FMNL2: variants seen among roughly 807,000 people sequenced by gnomAD.
FMNL2 encodes the protein formin like 2.
A neutral mutation model predicts 130.2 loss-of-function variants in FMNL2; 51 were observed. The observed-to-expected ratio is 0.39, with a 90% confidence interval of 0.31 to 0.49. FMNL2 has a LOEUF of 0.49. FMNL2 is among the 20% of genes least tolerant of loss of function. The probability of loss-of-function intolerance (pLI) is 0.85; values close to 1 mark genes in which losing one functional copy is unlikely to be tolerated. For synonymous variants in FMNL2, 465 were observed against 467.1 expected (o/e 1.00, Z 0.06); for missense variants, 977 against 1,316.2 (o/e 0.74, Z 3.99).
chr2:152,593,900 TGTGAGAGAGAGAGA>T (rs1448235496), intron 9 of FMNL2, among the ~76,000 whole-genome samples: 15 of 80,848 alleles, frequency 1.9e-4, no homozygotes, highest in Non-Finnish European at 3.9e-4. Flanking sequence ...TGTGTGTGTG[TGTGAGAGAGAGAGA>T]GAGAGAGAGA....
At chr2:152,345,813 CTG>C (rs1015628346) in intron 1 of FMNL2, among the ~76,000 whole-genome samples, 1 of 152,180 alleles carries the variant, frequency 6.6e-6, no homozygotes, top group African/African-American at 2.4e-5. Flanking sequence ...ATTTAGAACT[CTG>C]TGGCCTCCTG....
At chr2:152,612,421 G>A (rs1214887604) in intron 11 of FMNL2, among the ~76,000 whole-genome samples, 2 of 152,186 alleles carry the variant, frequency 1.3e-5, no homozygotes, top group Admixed American at 6.5e-5. Context: ...TTGGGAAGCT[G>A]AAGTGGGGGG....
intron 1 of FMNL2, chr2:152,390,554 C>T (rs1011147856): frequency 3.0e-5 from 45 of 1,490,408 alleles, no homozygotes; most frequent in African/African-American, 1.4e-4. Flanking sequence ...CAATCTCAGA[C>T]GAACAGAAGA....
At position 152,428,766 on chromosome 2, in the gene FMNL2, A is replaced by T. The variant is rs535498337; in HGVS notation, c.117+93046A>T. Among the ~76,000 whole-genome samples the T allele has an allele frequency of 3.9e-5, 6 of 152,352 alleles. No homozygotes were observed. The East Asian group carries it at 1.2e-3, about 29-fold the overall frequency. On this transcript the variant is annotated intron_variant, in intron 1 of 25. Transcript: ENST00000288670. ...TAATTCTGTGATGTGGCTATTGGTC[A>T]TAAGTCATTAGTGACTTTGGATAGA...
chr2:152,436,191 G>A (rs1037723924), intron 1 of FMNL2, among the ~76,000 whole-genome samples: 3 of 151,414 alleles, frequency 2.0e-5, no homozygotes, highest in Non-Finnish European at 4.4e-5. Context: ...TTTGAGACAG[G>A]GTCTGGCTTT....
intron 9 of FMNL2, among the ~76,000 whole-genome samples, chr2:152,599,394 T>C (rs1346900225): frequency 6.9e-6 from 1 of 144,018 alleles, no homozygotes; most frequent in East Asian, 2.3e-4. Flanking sequence ...CTAGAATTTA[T>C]TGAAGGTCAT....
chr2:152,526,062 A>G (rs1472978173), intron 2 of FMNL2, among the ~76,000 whole-genome samples: 1 of 152,148 alleles, frequency 6.6e-6, no homozygotes, highest in East Asian at 1.9e-4. Flanking sequence ...AAGAGCAAAT[A>G]TATCTCCATG....
rs866871489 is a variant in FMNL2, at chr2:152,600,044, A to G, written c.877-7295A>G. Among the ~76,000 whole-genome samples, 22 of 152,294 alleles carry G rather than the reference A, an allele frequency of 1.4e-4. No homozygotes were observed. In the Middle Eastern group the frequency reaches 0.01, roughly 71 times the overall value. On this transcript the variant is annotated intron_variant, in intron 9 of 25. Transcript: ENST00000288670. ...TTTGTCAGGCCATTATGGCCCTCAT[A>G]TAGCCCTCAGACTGCTGGTGCACTC...
At chr2:152,552,794 A>G (rs1314017340) in intron 4 of FMNL2, among the ~76,000 whole-genome samples, 1 of 152,220 alleles carries the variant, frequency 6.6e-6, no homozygotes, top group East Asian at 1.9e-4. Flanking sequence ...GGCAGATGCC[A>G]TGGTGCTTAA....
chr2:152,643,876 A>G lies in FMNL2; in HGVS notation c.3169+2962A>G, dbSNP rs1426241516. Reference sequence around the variant, plus strand: ...AGATTGCTTATAAGATTTTTGAGCTAATGTCCTTCAACATATCCATTAATA... The same window carrying G: ...AGATTGCTTATAAGATTTTTGAGCTGATGTCCTTCAACATATCCATTAATA... On this transcript the variant is annotated intron_variant, in intron 25 of 25. Transcript: ENST00000288670. 4.1e-6 allele frequency: 4 copies of G among 985,278 alleles called. No individual in the cohort carries two copies. The African/African-American group carries it at 7.0e-5, about 17-fold the overall frequency. The allele number at this position is 985,278 out of a possible 1,614,324, so 61.0% of individuals were successfully genotyped here. A position where few individuals can be genotyped will look rare whatever the true frequency, so the allele number is the denominator to read the frequency against.
At position 152,556,086 on chromosome 2, in the gene FMNL2, C is replaced by T. The variant is rs759032311; in HGVS notation, c.360-2654C>T. Reference sequence around the variant, plus strand: ...CACTTTCAACTCCAATTGAAAATGGCCAGTTCTCTCCAATACAGAAAGTTC... The same window carrying T: ...CACTTTCAACTCCAATTGAAAATGGTCAGTTCTCTCCAATACAGAAAGTTC... On this transcript the variant is annotated intron_variant, in intron 4 of 25. Transcript: ENST00000288670. 7.1e-4 allele frequency among the ~76,000 whole-genome samples: 108 copies of T among 152,208 alleles called. 1 individual carries two copies. Among genetic ancestry groups the T allele is most frequent in the African/African-American group, 2.6e-3 (107 of 41,536 alleles).
chr2:152,442,462 T>C (rs1438295369), intron 1 of FMNL2, among the ~76,000 whole-genome samples: 1 of 152,094 alleles, frequency 6.6e-6, no homozygotes, highest in African/African-American at 2.4e-5. Context: ...TTGTCCAGGC[T>C]GGTCTGAAAA....
chr2:152,456,611 C>G (rs963916880), intron 1 of FMNL2, among the ~76,000 whole-genome samples: 4 of 152,156 alleles, frequency 2.6e-5, no homozygotes, highest in Admixed American at 2.0e-4. Context: ...CTTCAGTTTA[C>G]TCTTCTTTGT....
chr2:152,637,372 G>T (rs1389059507), intron 22 of FMNL2, among the ~76,000 whole-genome samples: 2 of 152,140 alleles, frequency 1.3e-5, no homozygotes, highest in Non-Finnish European at 2.9e-5. Context: ...CCCCACTATT[G>T]CATTCCTCGG....
Position 152,649,377 on chromosome 2 carries a change from G to T in FMNL2, c.*1472G>T, listed in dbSNP as rs1371145442. 3 of 152,036 alleles carry T rather than the reference G, an allele frequency of 2.0e-5. No homozygotes were observed. Among genetic ancestry groups the T allele is most frequent in the Non-Finnish European group, 2.9e-5 (2 of 67,922 alleles). The allele number at this position is 152,036 out of a possible 1,614,324, so 9.4% of individuals were successfully genotyped here. On this transcript the variant is annotated 3_prime_UTR_variant, in exon 26 of 26. Transcript: ENST00000288670. The stretch of plus-strand genomic sequence containing the variant: ...AATCTGAATGTTATTTTAACTTATA[G>T]TTTTTTTTAATATATATATTTAACT...
chr2:152,568,217 G>GTTTTTTTTTTTTTTTGTTTT (rs1558970322), intron 6 of FMNL2, among the ~76,000 whole-genome samples: 6 of 127,506 alleles, frequency 4.7e-5, no homozygotes, highest in Non-Finnish European at 9.5e-5. Context: ...CATTTTGGTG[G>GTTTTTTTTTTTTTTTGTTTT]GTTTTTTTTT....
chr2:152,584,818 AT>A (rs946733511), intron 9 of FMNL2, among the ~76,000 whole-genome samples: 1 of 152,030 alleles, frequency 6.6e-6, no homozygotes, highest in Non-Finnish European at 1.5e-5. Context: ...CCAATCTTAT[AT>A]TTTTTTTCCT....
At chr2:152,529,919 T>C (rs1478439691) in intron 2 of FMNL2, among the ~76,000 whole-genome samples, 3 of 152,184 alleles carry the variant, frequency 2.0e-5, no homozygotes, top group Non-Finnish European at 4.4e-5. Flanking sequence ...TTAGTCTCGT[T>C]TGAAATGTTT....
chr2:152,494,436 T>G (rs1691386712), intron 1 of FMNL2, among the ~76,000 whole-genome samples: 1 of 152,214 alleles, frequency 6.6e-6, no homozygotes, highest in Non-Finnish European at 1.5e-5. Flanking sequence ...GTAGGGAAAC[T>G]ACCACCACAA....
Sources: gnomAD v4.1 joint callset for allele counts (sites outside exome capture counted in the v4.1 genomes callset) on GRCh38, gnomAD v4.1.1 for gene constraint, MANE v1.5 for transcripts, NCBI Gene and HGNC (gene_info 2026-07-23, HGNC 2026-07-21) for gene names.